The following SAMD12 variants were observed in gnomAD, a reference collection of about 807,000 sequenced individuals.
The protein encoded by SAMD12 is sterile alpha motif domain-containing protein 12.
In SAMD12, 9 loss-of-function variants were observed where a neutral mutation model predicts 15.0. That is an observed-to-expected ratio of 0.60 (90% CI 0.36 to 1.05). SAMD12 has a LOEUF of 1.05. Ranked by LOEUF, SAMD12 falls within the 50% of genes least tolerant of loss-of-function variation. The pLI, the probability that SAMD12 is intolerant of heterozygous loss-of-function variation, is 0.01. For missense variants in SAMD12, 230 were observed against 234.2 expected, an observed-to-expected ratio of 0.98 and a Z score of 0.12; for synonymous variants, 86 against 90.1, an observed-to-expected ratio of 0.96 and a Z score of 0.25.
chr8:118,258,474 T>A (rs1277454694), intron 4 of SAMD12, among the ~76,000 whole-genome samples: 1 of 152,126 alleles, frequency 6.6e-6, no homozygotes, highest in Non-Finnish European at 1.5e-5. Context: ...TTTGAGTGCC[T>A]ACTATGTGCC....
intron 4 of SAMD12, among the ~76,000 whole-genome samples, chr8:118,289,645 G>A (rs948595999): frequency 2.0e-5 from 3 of 152,172 alleles, no homozygotes; most frequent in African/African-American, 7.2e-5. Context: ...GTGCTAACCA[G>A]AATCAGGGCT....
At chr8:118,356,634 A>T (rs996003793) in intron 4 of SAMD12, among the ~76,000 whole-genome samples, 11 of 152,238 alleles carry the variant, frequency 7.2e-5, no homozygotes, top group Non-Finnish European at 1.5e-4. Context: ...TACTTGACAC[A>T]GATATTCTAA....
At chr8:118,456,314 C>T (rs949956012) in intron 2 of SAMD12, among the ~76,000 whole-genome samples, 4 of 152,160 alleles carry the variant, frequency 2.6e-5, no homozygotes, top group African/African-American at 2.4e-5. Flanking sequence ...TCTGCAGGGT[C>T]GTCTTCCTTG....
chr8:118,205,193 C>T (rs1819827876), intron 4 of SAMD12, among the ~76,000 whole-genome samples: 1 of 152,228 alleles, frequency 6.6e-6, no homozygotes, highest in South Asian at 2.1e-4. Context: ...ATACCGTTGG[C>T]TCTCCTGGAT....
intron 4 of SAMD12, among the ~76,000 whole-genome samples, chr8:118,210,278 G>A (rs901628121): frequency 7.2e-5 from 11 of 152,132 alleles, no homozygotes; most frequent in African/African-American, 9.7e-5. Context: ...TATCAGTTCC[G>A]CTTTGAAATG....
chr8:118,545,498 C>T (rs1419863275), intron 2 of SAMD12, among the ~76,000 whole-genome samples: 1 of 151,922 alleles, frequency 6.6e-6, no homozygotes, highest in Non-Finnish European at 1.5e-5. Flanking sequence ...AACAAGAATC[C>T]CAGGCAATTC....
chr8:118,359,324 C>T (rs970361803), intron 4 of SAMD12, among the ~76,000 whole-genome samples: 1 of 152,164 alleles, frequency 6.6e-6, no homozygotes, highest in South Asian at 2.1e-4. Context: ...ATGCTGCCAA[C>T]GCCGTGACCT....
At chr8:118,252,995 A>G (rs1812854417) in intron 4 of SAMD12, among the ~76,000 whole-genome samples, 1 of 152,174 alleles carries the variant, frequency 6.6e-6, no homozygotes, top group African/African-American at 2.4e-5. Context: ...GAGCCCACAC[A>G]GAAAGAATCT....
At chr8:118,375,546 T>C (rs929292831), downstream of SAMD12, among the ~76,000 whole-genome samples, 1 of 152,190 alleles carries the variant, frequency 6.6e-6, no homozygotes, top group Non-Finnish European at 1.5e-5. Context: ...AACAATATTC[T>C]GCATTTACTA....
At chr8:118,316,247 G>C (rs1586506238) in intron 4 of SAMD12, among the ~76,000 whole-genome samples, 1 of 151,778 alleles carries the variant, frequency 6.6e-6, no homozygotes, top group Non-Finnish European at 1.5e-5. Flanking sequence ...TAAAAGTTGG[G>C]AGATTGGCCA....
intron 4 of SAMD12, among the ~76,000 whole-genome samples, chr8:118,318,985 G>A (rs1391092930): frequency 6.6e-6 from 1 of 152,090 alleles, no homozygotes; most frequent in Non-Finnish European, 1.5e-5. Context: ...TTTCTTGTGG[G>A]TAAGAGCTGG....
the SAMD12 span, among the ~76,000 whole-genome samples, chr8:118,159,692 T>C: frequency 0.012 from 1,820 of 149,810 alleles, 25 homozygotes; most frequent in South Asian, 0.037. Flanking sequence ...TCTCTGATAC[T>C]ATATAACAAA....
the SAMD12 span, among the ~76,000 whole-genome samples, chr8:118,162,151 C>T: frequency 2.8e-5 from 3 of 108,930 alleles, no homozygotes; most frequent in African/African-American, 9.2e-5. Flanking sequence ...CAGAGCAAGA[C>T]TCTGTCTCAA....
chr8:118,324,473 A>T (rs1431483370), intron 4 of SAMD12, among the ~76,000 whole-genome samples: 1 of 152,188 alleles, frequency 6.6e-6, no homozygotes, highest in Non-Finnish European at 1.5e-5. Flanking sequence ...GATATAAGTG[A>T]ATTTAATAAT....
chr8:118,486,736 C>A (rs975710602), intron 2 of SAMD12, among the ~76,000 whole-genome samples: 1 of 151,984 alleles, frequency 6.6e-6, no homozygotes, highest in Non-Finnish European at 1.5e-5. Flanking sequence ...AAAAAATATA[C>A]CGTAGGCAGT....
At chr8:118,309,373 GAT>G (rs1179773471) in intron 4 of SAMD12, among the ~76,000 whole-genome samples, 5 of 130,256 alleles carry the variant, frequency 3.8e-5, no homozygotes, top group Non-Finnish European at 8.1e-5. Context: ...ATATATTTGA[GAT>G]ATATATGTGT....
intron 1 of SAMD12, among the ~76,000 whole-genome samples, chr8:118,583,826 C>T (rs1205225182): frequency 6.6e-6 from 1 of 152,206 alleles, no homozygotes; most frequent in Non-Finnish European, 1.5e-5. Flanking sequence ...CTTCATTTTC[C>T]TCACAGTACT....
chr8:118,180,415 C>T, the SAMD12 span, among the ~76,000 whole-genome samples: 1 of 152,200 alleles, frequency 6.6e-6, no homozygotes, highest in Non-Finnish European at 1.5e-5. Context: ...CCCTTCCCTT[C>T]TATCTCATTC....
At chr8:118,509,797 A>G (rs1426802534) in intron 2 of SAMD12, among the ~76,000 whole-genome samples, 2 of 152,236 alleles carry the variant, frequency 1.3e-5, no homozygotes, top group East Asian at 3.8e-4. Flanking sequence ...TAAATATCCA[A>G]CACTGACTAT....
Sources: allele counts gnomAD v4.1 joint callset (sites outside exome capture counted in the v4.1 genomes callset), GRCh38; gene constraint gnomAD v4.1.1; transcripts MANE v1.5; gene names NCBI Gene and HGNC (gene_info 2026-07-23, HGNC 2026-07-21).